PCDHGA11: variants seen among roughly 807,000 people sequenced by gnomAD.
The protein encoded by PCDHGA11 is protocadherin gamma-A11.
Under a neutral mutation model 60.4 loss-of-function variants are expected in PCDHGA11, and 39 were observed. That is an observed-to-expected ratio of 0.65 (90% CI 0.50 to 0.84). The LOEUF (loss-of-function observed/expected upper bound fraction) is 0.84, where lower values mean the gene tolerates loss of function less well. Ranked by LOEUF, PCDHGA11 falls within the 40% of genes least tolerant of loss-of-function variation. PCDHGA11 has a pLI of 0.00. For missense variants in PCDHGA11, 1,165 were observed against 1,197.7 expected (o/e 0.97, Z 0.40); for synonymous variants, 533 against 510.3 (o/e 1.04, Z -0.60).
Position 141,505,424 on chromosome 5 carries a change from C to T in PCDHGA11, c.2524C>T (p.Pro842Ser), listed in dbSNP as rs1422538114. The T allele has an allele frequency of 1.2e-6, 2 of 1,614,200 alleles. No individual in the cohort carries two copies. Among genetic ancestry groups the T allele is most frequent in the Non-Finnish European group, 1.7e-6 (2 of 1,180,028 alleles). Residue 842 changes from proline (P) to serine (S), a missense_variant, in exon 3 of 4, where the codon CCC (proline) becomes TCC (serine). Pro to Ser is a moderately conservative substitution (Grantham distance 74). Transcript: ENST00000398587. ...AAATGGCGATGACACCGGCACCTGG[C>T]CCAACAACCAGTTTGACACAGAGAT... is the stretch of plus-strand genomic sequence containing the variant. ...SQNGDDTGTW[P>S]NNQFDTEMLQ...
At chr5:141,484,454 G>T (rs932663778) in intron 1 of PCDHGA11, among the ~76,000 whole-genome samples, 2 of 152,212 alleles carry the variant, frequency 1.3e-5, no homozygotes, top group Non-Finnish European at 2.9e-5. Context: ...AATTGGCTAC[G>T]TTAATGTGTA....
At chr5:141,448,692 G>A (rs913533738) in intron 1 of PCDHGA11, among the ~76,000 whole-genome samples, 6 of 152,072 alleles carry the variant, frequency 3.9e-5, no homozygotes, top group African/African-American at 9.7e-5. Context: ...TGTAATCGCA[G>A]CACTTTGGGA....
intron 1 of PCDHGA11, chr5:141,430,984 C>A (rs765063685): frequency 6.2e-7 from 1 of 1,613,648 alleles, no homozygotes; most frequent in South Asian, 1.1e-5. Flanking sequence ...CGCAGCTTTT[C>A]GCCCTGAATC....
intron 1 of PCDHGA11, among the ~76,000 whole-genome samples, chr5:141,463,684 G>C (rs2099066814): frequency 6.6e-6 from 1 of 151,910 alleles, no homozygotes; most frequent in African/African-American, 2.4e-5. Flanking sequence ...ATGACCTCGT[G>C]ATCTGCTCAC....
Position 141,489,999 on chromosome 5 carries a change from GA to G in PCDHGA11, c.2434-4806del. On this transcript the variant is annotated intron_variant, in intron 1 of 3. Transcript: ENST00000398587. The surrounding 1 kb of genome is among the most constrained non-coding windows in gnomAD (Gnocchi z 4.5). ...CAGTTCTACGTGTGGGAATCCCAGA[GA>G]ATGCACCCATTGGTACTCTGCTGCT... 1 of 1,614,242 alleles carries G rather than the reference GA, an allele frequency of 6.2e-7. No individual in the cohort carries two copies. Among genetic ancestry groups the G allele is most frequent in the Non-Finnish European group, 8.5e-7 (1 of 1,180,032 alleles).
At chr5:141,453,608 C>T (rs1015022396) in intron 1 of PCDHGA11, among the ~76,000 whole-genome samples, 6 of 152,068 alleles carry the variant, frequency 3.9e-5, no homozygotes, top group South Asian at 2.1e-4. Context: ...TTTTGCAAAA[C>T]GCAAAAACAA....
chr5:141,489,459 C>T lies in PCDHGA11; in HGVS notation c.2434-5348C>T. The T allele has an allele frequency of 6.2e-7, 1 of 1,614,086 alleles. No homozygotes were observed. The highest frequency in any genetic ancestry group is 8.5e-7 in the Non-Finnish European group (1 of 1,180,012). On this transcript the variant is annotated intron_variant, in intron 1 of 3. Coordinates refer to ENST00000398587, the MANE Select transcript of PCDHGA11 (RefSeq NM_018914.3). The surrounding 1 kb of genome is among the most constrained non-coding windows in gnomAD (Gnocchi z 4.5). The stretch of plus-strand genomic sequence containing the variant: ...AATTGGGCTCTGAGGAGAATGGGCG[C>T]TATTTTTCCCTGAGCTTGATGAGTG...
chr5:141,428,392 T>A, intron 1 of PCDHGA11: 1 of 497,196 alleles, frequency 2.0e-6, no homozygotes, highest in Admixed American at 3.1e-5. Flanking sequence ...TTCCAGCCCC[T>A]CTGCCTGGGG....
chr5:141,461,040 G>A (rs536064886), intron 1 of PCDHGA11, among the ~76,000 whole-genome samples: 123 of 150,514 alleles, frequency 8.2e-4, no homozygotes, highest in East Asian at 2.5e-3. Flanking sequence ...CTCATTAGTC[G>A]ATGGGGACTT....
At position 141,466,670 on chromosome 5, in the gene PCDHGA11, G is replaced by C. The variant is rs994949602; in HGVS notation, c.2434-28137G>C. On this transcript the variant is annotated intron_variant, in intron 1 of 3. Transcript: ENST00000398587. ...TTCACAAAACATCAGTGATTTCACC[G>C]TTCTTCCACTCAAGCTTCATCATAA... Among the ~76,000 whole-genome samples, 3 of 152,046 alleles carry C rather than the reference G, an allele frequency of 2.0e-5. No homozygotes were observed. The South Asian group carries it at 6.2e-4, about 32-fold the overall frequency.
At position 141,485,049 on chromosome 5, in the gene PCDHGA11, G is replaced by A; in HGVS notation, c.2434-9758G>A. The A allele has an allele frequency of 1.3e-6, 1 of 780,438 alleles. No individual in the cohort carries two copies. 48.3% of individuals were successfully genotyped at this position (780,438 alleles called of 1,614,324 possible). ...AACGGCGCGTAACCCTTGCGGCGCC[G>A]GCCGAACCGCGCCAGAGCTGGCGCG... On this transcript the variant is annotated intron_variant, in intron 1 of 3. Coordinates refer to ENST00000398587, the MANE Select transcript of PCDHGA11 (RefSeq NM_018914.3). This position sits in a 1 kb window ranked among gnomAD's most constrained non-coding sequence, Gnocchi z 5.7.
intron 1 of PCDHGA11, among the ~76,000 whole-genome samples, chr5:141,436,884 G>T (rs1041906146): frequency 6.6e-6 from 1 of 152,190 alleles, no homozygotes; most frequent in Non-Finnish European, 1.5e-5. Context: ...AAAAGATGGG[G>T]GAAAGATTTT....
intron 1 of PCDHGA11, among the ~76,000 whole-genome samples, chr5:141,451,090 A>G (rs2098706546): frequency 6.6e-6 from 1 of 151,864 alleles, no homozygotes; most frequent in Non-Finnish European, 1.5e-5. Context: ...GACCTCCCAA[A>G]GTGTTGGGAT....
intron 2 of PCDHGA11, among the ~76,000 whole-genome samples, chr5:141,503,072 C>T (rs2099817948): frequency 6.6e-6 from 1 of 151,728 alleles, no homozygotes; most frequent in Non-Finnish European, 1.5e-5. Flanking sequence ...TCAGAATGGT[C>T]TCGATCTCCT....
rs1253223100 is a variant in PCDHGA11 at position 141,493,049 on chromosome 5, T to C, written c.2434-1758T>C. Among the ~76,000 whole-genome samples the C allele has an allele frequency of 6.6e-6, 1 of 152,188 alleles. No homozygotes were observed. Among genetic ancestry groups the C allele is most frequent in the Non-Finnish European group, 1.5e-5 (1 of 68,032 alleles). Reference sequence around the variant, plus strand: ...GCCCTTATGTGTGAGGAAACTACAATAGTAAAAAACACAAGTTTCTCCAAC... The same window carrying C: ...GCCCTTATGTGTGAGGAAACTACAACAGTAAAAAACACAAGTTTCTCCAAC... On this transcript the variant is annotated intron_variant, in intron 1 of 3. Transcript: ENST00000398587. This position sits in a 1 kb window ranked among gnomAD's most constrained non-coding sequence, Gnocchi z 4.3.
At position 141,489,385 on chromosome 5, in the gene PCDHGA11, G is replaced by C. The variant is rs893348832; in HGVS notation, c.2434-5422G>C. The stretch of plus-strand genomic sequence containing the variant: ...GCCGGGGACGCTGGTGGGGAATGTT[G>C]CTCAGGATCTGGGCTTAAAGATGAC... On this transcript the variant is annotated intron_variant, in intron 1 of 3. Transcript: ENST00000398587. This position sits in a 1 kb window ranked among gnomAD's most constrained non-coding sequence, Gnocchi z 4.5. The C allele has an allele frequency of 6.2e-7, 1 of 1,613,924 alleles. No individual in the cohort carries two copies. Among genetic ancestry groups the C allele is most frequent in the Non-Finnish European group, 8.5e-7 (1 of 1,179,896 alleles).
At chr5:141,472,046 A>T (rs945911971) in intron 1 of PCDHGA11, among the ~76,000 whole-genome samples, 4 of 152,210 alleles carry the variant, frequency 2.6e-5, no homozygotes, top group Non-Finnish European at 4.4e-5. Context: ...AAAAGATTTT[A>T]AAAATGATTG....
chr5:141,465,021 C>A (rs974818222), intron 1 of PCDHGA11, among the ~76,000 whole-genome samples: 1 of 152,100 alleles, frequency 6.6e-6, no homozygotes, highest in Non-Finnish European at 1.5e-5. Flanking sequence ...AGATTACAGC[C>A]ATGAACCACC....
Position 141,500,251 on chromosome 5 carries a change from C to T in PCDHGA11, c.2493-5142C>T, listed in dbSNP as rs187199142. Among the ~76,000 whole-genome samples, 1,493 of 151,438 alleles carry T rather than the reference C, an allele frequency of 9.9e-3. 32 individuals are homozygous for T. Among genetic ancestry groups the T allele is most frequent in the African/African-American group, 0.035 (1,426 of 41,214 alleles). Reference sequence around the variant, plus strand: ...TGATACGTAGCCTTGCTCTGTCACCCAGGCTGGACTGCAGTGGCGCAATCT... The same window carrying T: ...TGATACGTAGCCTTGCTCTGTCACCTAGGCTGGACTGCAGTGGCGCAATCT... On this transcript the variant is annotated intron_variant, in intron 2 of 3. Coordinates refer to ENST00000398587, the MANE Select transcript of PCDHGA11 (RefSeq NM_018914.3).
Sources: gnomAD v4.1 joint callset for allele counts (sites outside exome capture counted in the v4.1 genomes callset) on GRCh38, gnomAD v4.1.1 for gene constraint, Gnocchi (gnomAD v3.1) non-coding constraint, MANE v1.5 for transcripts, NCBI Gene and HGNC (gene_info 2026-07-23, HGNC 2026-07-21) for gene names.